Variants in NPTN observed in about 807,000 individuals in gnomAD.
The protein encoded by NPTN is neuroplastin.
NPTN carries 5 observed loss-of-function variants against 42.7 expected under a neutral mutation model. The observed-to-expected ratio is 0.12, with a 90% CI of 0.06 to 0.25. The LOEUF is 0.25. Among genes scored for constraint, NPTN ranks in the 10% least tolerant of loss-of-function variants. The pLI, the probability that NPTN is intolerant of heterozygous loss-of-function variation, is 1.00. For synonymous variants in NPTN, 180 were observed against 201.9 expected, an observed-to-expected ratio of 0.89 and a Z score of 0.92; for missense variants, 307 against 525.4, an observed-to-expected ratio of 0.58 and a Z score of 4.06.
chr15:73,563,471 C>G, intron 6 of NPTN: 1 of 1,377,264 alleles, frequency 7.3e-7, no homozygotes, highest in Non-Finnish European at 9.4e-7. Context: ...TATGTTGTTT[C>G]AATGGTTTTA....
rs1435889306 is a variant in NPTN, at chr15:73,560,144, T to G, written c.*919A>C. ...TACGCACCGCATGAGAACCGTTAGGTTATAAAATCTATCATCAACCAGTAA... is the reference window on the plus strand; with the variant it reads ...TACGCACCGCATGAGAACCGTTAGGGTATAAAATCTATCATCAACCAGTAA... On this transcript the variant is annotated 3_prime_UTR_variant, in exon 9 of 9. Transcript: ENST00000345330. The G allele has an allele frequency of 2.7e-6, 1 of 366,424 alleles. No individual in the cohort carries two copies. The highest frequency in any genetic ancestry group is 2.1e-5 in the African/African-American group (1 of 46,692). 22.7% of individuals were successfully genotyped at this position (366,424 alleles called of 1,614,324 possible). A position where few individuals can be genotyped will look rare whatever the true frequency, so the allele number is the denominator to read the frequency against.
chr15:73,565,750 C>T (rs776215881), intron 6 of NPTN: 7 of 456,300 alleles, frequency 1.5e-5, no homozygotes, highest in African/African-American at 1.4e-4. Context: ...CTGGAATCCA[C>T]CTTATGAGAG....
chr15:73,608,085 A>T (rs997373868), intron 1 of NPTN, among the ~76,000 whole-genome samples: 20 of 152,218 alleles, frequency 1.3e-4, no homozygotes, highest in African/African-American at 4.8e-4. Flanking sequence ...AACAGTTGCT[A>T]AAAAAACTGT....
At chr15:73,594,373 C>T (rs916481758) in intron 2 of NPTN, among the ~76,000 whole-genome samples, 2 of 152,230 alleles carry the variant, frequency 1.3e-5, no homozygotes, top group Non-Finnish European at 1.5e-5. Flanking sequence ...GGTAGACTTT[C>T]TGCCAAGTAT....
chr15:73,625,480 G>A (rs1033258679), intron 1 of NPTN, among the ~76,000 whole-genome samples: 6 of 151,870 alleles, frequency 4.0e-5, no homozygotes, highest in Non-Finnish European at 8.8e-5. Flanking sequence ...TACAGGTGCC[G>A]GCGACCACCC....
Position 73,569,778 on chromosome 15 carries a change from T to C in NPTN, c.1114+372A>G. 1 of 985,258 alleles carries C rather than the reference T, an allele frequency of 1.0e-6. No individual in the cohort carries two copies. The highest frequency in any genetic ancestry group is 1.2e-6 in the Non-Finnish European group (1 of 829,908). The allele number at this position is 985,258 out of a possible 1,614,324, so 61.0% of individuals were successfully genotyped here. A position where few individuals can be genotyped will look rare whatever the true frequency, so the allele number is the denominator to read the frequency against. ...GGGTGGCTTCTAGGCTTGACTTGGATTCTCCTCAAGCTCAATCTGCCTGAT... is the reference window on the plus strand; with the variant it reads ...GGGTGGCTTCTAGGCTTGACTTGGACTCTCCTCAAGCTCAATCTGCCTGAT... On this transcript the variant is annotated intron_variant, in intron 6 of 8. Coordinates refer to ENST00000345330, the MANE Select transcript of NPTN (RefSeq NM_012428.4). The surrounding 1 kb of genome is among the most constrained non-coding windows in gnomAD (Gnocchi z 4.1).
Position 73,569,375 on chromosome 15 carries a change from C to T in NPTN, c.1114+775G>A. ...CCTAAGATTTCAGCTCTTGCTCTTT[C>T]CAGTGCTCAGTGGTGTGCTGTGGTT... On this transcript the variant is annotated intron_variant, in intron 6 of 8. Coordinates refer to ENST00000345330, the MANE Select transcript of NPTN (RefSeq NM_012428.4). This position sits in a 1 kb window ranked among gnomAD's most constrained non-coding sequence, Gnocchi z 4.1. 2.0e-6 allele frequency: 2 copies of T among 985,586 alleles called. No individual in the cohort carries two copies. Among genetic ancestry groups the T allele is most frequent in the Non-Finnish European group, 2.4e-6 (2 of 830,028 alleles). The allele number at this position is 985,586 out of a possible 1,614,324, so 61.1% of individuals were successfully genotyped here. A position where few individuals can be genotyped will look rare whatever the true frequency, so the allele number is the denominator to read the frequency against.
At chr15:73,610,501 G>A (rs1897526186) in intron 1 of NPTN, among the ~76,000 whole-genome samples, 1 of 152,146 alleles carries the variant, frequency 6.6e-6, no homozygotes, top group Non-Finnish European at 1.5e-5. Flanking sequence ...AACATGGAAT[G>A]CTTTCTGTGG....
At chr15:73,613,200 A>T (rs1329913828) in intron 1 of NPTN, among the ~76,000 whole-genome samples, 1 of 152,242 alleles carries the variant, frequency 6.6e-6, no homozygotes, top group Non-Finnish European at 1.5e-5. Flanking sequence ...AACCTGGAGC[A>T]ATAATTTTCC....
intron 1 of NPTN, among the ~76,000 whole-genome samples, chr15:73,602,355 C>T (rs1361917506): frequency 6.6e-6 from 1 of 152,164 alleles, no homozygotes; most frequent in Non-Finnish European, 1.5e-5. Flanking sequence ...CTTCGTTCCT[C>T]GCAATAAAGA....
chr15:73,560,488 A>ATATTACTCATCTTTATGTACC lies in NPTN; in HGVS notation c.*554_*574dup, dbSNP rs1894597910. 6.6e-6 allele frequency: 1 copy of ATATTACTCATCTTTATGTACC among 152,482 alleles called. No homozygotes were observed. The highest frequency in any genetic ancestry group is 2.1e-4 in the South Asian group (1 of 4,826). 9.4% of individuals were successfully genotyped at this position (152,482 alleles called of 1,614,324 possible). A position where few individuals can be genotyped will look rare whatever the true frequency, so the allele number is the denominator to read the frequency against. On this transcript the variant is annotated 3_prime_UTR_variant, in exon 9 of 9. Coordinates refer to ENST00000345330, the MANE Select transcript of NPTN (RefSeq NM_012428.4). ...CCCTTAAAATTATAGATTTCAGTTT[A>ATATTACTCATCTTTATGTACC]TATTACTCATCTTTATGTACCAGAA...
intron 6 of NPTN, chr15:73,565,900 G>A (rs1337931574): frequency 2.3e-5 from 10 of 433,528 alleles, no homozygotes; most frequent in South Asian, 4.9e-5. Flanking sequence ...AGTAAATAAC[G>A]GATTGCCTAA....
chr15:73,630,840 A>G (rs1403168175), intron 1 of NPTN, among the ~76,000 whole-genome samples: 1 of 152,254 alleles, frequency 6.6e-6, no homozygotes, highest in Non-Finnish European at 1.5e-5. Flanking sequence ...TACCAGCTGA[A>G]AGCTTGAATA....
rs145811062 is a variant in NPTN at position 73,600,882 on chromosome 15, C to G, written c.92-3513G>C. On this transcript the variant is annotated intron_variant, in intron 1 of 8. Transcript: ENST00000345330. ...AACAGTGTGAAAAGATAAGATGATT[C>G]TGAGGCAAGACTGCCTCTAGTTCTG... is the stretch of plus-strand genomic sequence containing the variant. Among the ~76,000 whole-genome samples the G allele has an allele frequency of 4.0e-3, 607 of 152,250 alleles. 5 individuals are homozygous for G. Among genetic ancestry groups the G allele is most frequent in the Middle Eastern group, 0.037 (11 of 294 alleles).
Position 73,633,111 on chromosome 15 carries a change from G to A in NPTN, c.91+14C>T. 3 of 1,344,234 alleles carry A rather than the reference G, an allele frequency of 2.2e-6. No individual in the cohort carries two copies. The highest frequency in any genetic ancestry group is 1.5e-5 in the South Asian group (1 of 66,106). 83.3% of individuals were successfully genotyped at this position (1,344,234 alleles called of 1,614,324 possible). ...CTCAACCCCCGCCCGGCCCGCCCCC[G>A]GCGCCCCGCTTACCGTTCTGAGCGG... On this transcript the variant is annotated intron_variant, in intron 1 of 8. Transcript: ENST00000345330.
Position 73,569,176 on chromosome 15 carries a change from C to G in NPTN, c.1114+974G>C. 1 of 985,468 alleles carries G rather than the reference C, an allele frequency of 1.0e-6. No individual in the cohort carries two copies. Among genetic ancestry groups the G allele is most frequent in the South Asian group, 4.7e-5 (1 of 21,284 alleles). The allele number at this position is 985,468 out of a possible 1,614,324, so 61.0% of individuals were successfully genotyped here. ...GCCAGGGACAGACTAGTGGTGGTAA[C>G]AGTCGGCCAATTAATTTCTGTACGC... On this transcript the variant is annotated intron_variant, in intron 6 of 8. Coordinates refer to ENST00000345330, the MANE Select transcript of NPTN (RefSeq NM_012428.4). The surrounding 1 kb of genome is among the most constrained non-coding windows in gnomAD (Gnocchi z 4.1).
rs568732038 is a variant in NPTN, at chr15:73,572,979, C to T, written c.840+683G>A. On this transcript the variant is annotated intron_variant, in intron 5 of 8. Coordinates refer to ENST00000345330, the MANE Select transcript of NPTN (RefSeq NM_012428.4). ...TTGTTTAAAAGTGTGTAGCATCTCCCTCCTTCACTCTCTTCCTCCTCTCCA... is the reference window on the plus strand; with the variant it reads ...TTGTTTAAAAGTGTGTAGCATCTCCTTCCTTCACTCTCTTCCTCCTCTCCA... Among the ~76,000 whole-genome samples the T allele has an allele frequency of 7.0e-4, 107 of 152,220 alleles. 2 individuals carry two copies. The highest frequency in any genetic ancestry group is 6.9e-3 in the Admixed American group (105 of 15,296).
chr15:73,599,596 A>G (rs570698278), intron 1 of NPTN: 2 of 146,546 alleles, frequency 1.4e-5, no homozygotes, highest in Non-Finnish European at 3.0e-5. Context: ...CCTGGGCGAC[A>G]GAGCGAGACT....
At chr15:73,604,442 G>C (rs1346124433) in intron 1 of NPTN, among the ~76,000 whole-genome samples, 5 of 152,094 alleles carry the variant, frequency 3.3e-5, no homozygotes, top group Admixed American at 3.3e-4. Context: ...AACGACAGAG[G>C]AGACCCTGTC....
Sources: allele counts gnomAD v4.1 joint callset (sites outside exome capture counted in the v4.1 genomes callset), GRCh38; gene constraint gnomAD v4.1.1; non-coding constraint Gnocchi (gnomAD v3.1); transcripts MANE v1.5; gene names NCBI Gene and HGNC (gene_info 2026-07-23, HGNC 2026-07-21).